Variants in DYM observed in about 807,000 individuals in gnomAD.
The protein encoded by DYM is dymeclin.
DYM carries 78 observed loss-of-function variants against 93.1 expected under a neutral mutation model. The observed-to-expected ratio is 0.84, with a 90% CI of 0.70 to 1.01. The LOEUF is 1.01. Ranked by LOEUF, DYM falls within the 50% of genes least tolerant of loss-of-function variation. The probability of loss-of-function intolerance (pLI) is 0.00; values close to 1 mark genes in which losing one functional copy is unlikely to be tolerated. For synonymous variants in DYM, 321 were observed against 319.7 expected (o/e 1.00, Z -0.04); for missense variants, 789 against 845.0 (o/e 0.93, Z 0.82).
At chr18:49,174,561 T>A (rs146825848) in intron 14 of DYM, among the ~76,000 whole-genome samples, 1 of 152,210 alleles carries the variant, frequency 6.6e-6, no homozygotes, top group African/African-American at 2.4e-5. Context: ...CACCCCCTAC[T>A]TTCAGAAACA....
At chr18:49,302,395 A>G (rs1384902094) in intron 8 of DYM, among the ~76,000 whole-genome samples, 1 of 152,254 alleles carries the variant, frequency 6.6e-6, no homozygotes, top group Admixed American at 6.5e-5. Context: ...TCTTACTGTG[A>G]AAACACAATT....
At chr18:49,082,014 C>T (rs2078091529) in intron 17 of DYM, among the ~76,000 whole-genome samples, 1 of 152,266 alleles carries the variant, frequency 6.6e-6, no homozygotes, top group Admixed American at 6.5e-5. Context: ...GTTTTGGTTT[C>T]TAGCTGAGCT....
intron 3 of DYM, among the ~76,000 whole-genome samples, chr18:49,390,043 A>G (rs1446984285): frequency 6.6e-6 from 1 of 152,232 alleles, no homozygotes; most frequent in African/African-American, 2.4e-5. Flanking sequence ...TATTTAGCAA[A>G]AAATTCCCTA....
intron 2 of DYM, among the ~76,000 whole-genome samples, chr18:49,426,754 CATGTGT>C (rs1356210570): frequency 1.1e-3 from 41 of 36,460 alleles, no homozygotes; most frequent in Middle Eastern, 9.1e-3. Context: ...CACTGGAAAA[CATGTGT>C]GTGTGTGTGT....
intron 16 of DYM, among the ~76,000 whole-genome samples, chr18:49,114,168 C>T (rs2081703874): frequency 6.6e-6 from 1 of 152,208 alleles, no homozygotes; most frequent in Admixed American, 6.5e-5. Context: ...TGAGAAACCT[C>T]TCAGCATCTT....
chr18:49,441,106 TTA>T (rs2081448448), intron 1 of DYM, among the ~76,000 whole-genome samples: 1 of 8,420 alleles, frequency 1.2e-4, no homozygotes. Context: ...TAAATATATA[TTA>T]ATATAAATAT....
chr18:49,335,206 T>C (rs1248698658), intron 6 of DYM, among the ~76,000 whole-genome samples: 1 of 152,136 alleles, frequency 6.6e-6, no homozygotes, highest in Non-Finnish European at 1.5e-5. Flanking sequence ...TATTACGTGG[T>C]TGAATAAAGC....
chr18:49,233,897 C>T (rs865797373), intron 13 of DYM, among the ~76,000 whole-genome samples: 10 of 151,870 alleles, frequency 6.6e-5, no homozygotes, highest in Admixed American at 2.6e-4. Flanking sequence ...GAGGCCGAGG[C>T]GGGTGGATCA....
chr18:49,139,189 G>T (rs1005184374), intron 15 of DYM, among the ~76,000 whole-genome samples: 10 of 152,044 alleles, frequency 6.6e-5, no homozygotes, highest in African/African-American at 2.4e-4. Flanking sequence ...AGAGTGATAA[G>T]AGAGCAGTTG....
intron 2 of DYM, among the ~76,000 whole-genome samples, chr18:49,416,505 C>A (rs1168259431): frequency 6.6e-6 from 1 of 152,172 alleles, no homozygotes; most frequent in Non-Finnish European, 1.5e-5. Flanking sequence ...AAATCTGGAA[C>A]TCTAAGCTCA....
chr18:49,324,874 C>G (rs1449255240), intron 8 of DYM, among the ~76,000 whole-genome samples: 1 of 152,144 alleles, frequency 6.6e-6, no homozygotes, highest in Non-Finnish European at 1.5e-5. Context: ...CTCACAATAA[C>G]TCTGTTCAAA....
chr18:49,301,453 G>A (rs539002437), intron 8 of DYM, among the ~76,000 whole-genome samples: 57 of 151,560 alleles, frequency 3.8e-4, no homozygotes, highest in African/African-American at 1.4e-3. Flanking sequence ...CCCGGGAGGC[G>A]GAGCTAGCAG....
In DYM at chr18:49,430,212, A is replaced by G. The variant is rs766724252; in HGVS notation, c.140+43T>C. On this transcript the variant is annotated intron_variant, in intron 2 of 17. Transcript: ENST00000675505. ...TAATCAGCATACCACACAAGTTGATATGGCCCTCTATTCAAATTTTCAATC... is the reference window on the plus strand; with the variant it reads ...TAATCAGCATACCACACAAGTTGATGTGGCCCTCTATTCAAATTTTCAATC... The G allele has an allele frequency of 1.4e-5, 22 of 1,577,324 alleles. No individual in the cohort carries two copies. The South Asian group carries it at 2.4e-4, about 17-fold the overall frequency.
At chr18:49,088,778 T>C (rs1599663171) in intron 17 of DYM, among the ~76,000 whole-genome samples, 2 of 152,244 alleles carry the variant, frequency 1.3e-5, no homozygotes, top group Admixed American at 1.3e-4. Flanking sequence ...AAAGAAGGAA[T>C]AGCTGAAATT....
intron 8 of DYM, among the ~76,000 whole-genome samples, chr18:49,315,430 G>C (rs1371906347): frequency 6.6e-6 from 1 of 152,140 alleles, no homozygotes; most frequent in East Asian, 1.9e-4. Flanking sequence ...CTTAAATATT[G>C]AGTTTTATGT....
At chr18:49,126,389 A>C (rs1331755327) in intron 15 of DYM, 1 of 152,224 alleles carries the variant, frequency 6.6e-6, no homozygotes, top group Non-Finnish European at 1.5e-5. Context: ...AACAACTATA[A>C]TTTCCCAGTT....
intron 3 of DYM, among the ~76,000 whole-genome samples, chr18:49,381,057 TG>T (rs758176101): frequency 6.6e-6 from 1 of 152,004 alleles, no homozygotes; most frequent in African/African-American, 2.4e-5. Flanking sequence ...ACAGCAGTGG[TG>T]CAATCATAGC....
At position 49,070,189 on chromosome 18, in the gene DYM, T is replaced by C. The variant is rs565226133; in HGVS notation, c.2026-25985A>G. 5.3e-5 allele frequency among the ~76,000 whole-genome samples: 8 copies of C among 152,360 alleles called. No individual in the cohort carries two copies. In the South Asian group the frequency reaches 1.4e-3, roughly 28 times the overall value. On this transcript the variant is annotated intron_variant, in intron 17 of 17. Transcript: ENST00000675505. ...TCTACAACTCTAGTTTTTGGCTTTG[T>C]TCTGGAAAAGTGAGGTTGATAGATA...
At chr18:49,228,250 A>G (rs2093597117) in intron 13 of DYM, among the ~76,000 whole-genome samples, 1 of 152,178 alleles carries the variant, frequency 6.6e-6, no homozygotes, top group African/African-American at 2.4e-5. Context: ...AGTTCTATGC[A>G]TCATCATTAC....
Sources: allele counts gnomAD v4.1 joint callset (sites outside exome capture counted in the v4.1 genomes callset), GRCh38; gene constraint gnomAD v4.1.1; transcripts MANE v1.5; gene names NCBI Gene and HGNC (gene_info 2026-07-23, HGNC 2026-07-21).